Variants in MAGI2 observed in about 807,000 individuals in gnomAD.
The protein encoded by MAGI2 is membrane associated guanylate kinase, WW and PDZ domain containing 2.
In MAGI2, 35 loss-of-function variants were observed where a neutral mutation model predicts 133.3. The observed-to-expected ratio is 0.26, with a 90% CI of 0.20 to 0.35. MAGI2 has a LOEUF of 0.35. MAGI2 is among the 10% of genes least tolerant of loss of function. MAGI2 has a pLI of 1.00. For synonymous variants in MAGI2, 729 were observed against 710.6 expected (o/e 1.03, Z -0.41); for missense variants, 1,636 against 1,863.4 (o/e 0.88, Z 2.25).
chr7:78,977,192 C>A (rs1295376041), intron 2 of MAGI2, among the ~76,000 whole-genome samples: 1 of 151,660 alleles, frequency 6.6e-6, no homozygotes, highest in Non-Finnish European at 1.5e-5. Flanking sequence ...TCAAGACTTA[C>A]TACAAAGCTG....
At chr7:79,261,011 A>G (rs1419286359) in intron 1 of MAGI2, among the ~76,000 whole-genome samples, 1 of 152,214 alleles carries the variant, frequency 6.6e-6, no homozygotes, top group Non-Finnish European at 1.5e-5. Context: ...TGGAAAACAA[A>G]CAATAAACAG....
At chr7:78,204,815 G>A (rs1829582451) in intron 10 of MAGI2, among the ~76,000 whole-genome samples, 1 of 152,130 alleles carries the variant, frequency 6.6e-6, no homozygotes, top group South Asian at 2.1e-4. Flanking sequence ...TAAAACAAAA[G>A]AGAATAAATG....
chr7:78,288,460 C>T (rs1056844260), intron 9 of MAGI2, among the ~76,000 whole-genome samples: 1 of 152,126 alleles, frequency 6.6e-6, no homozygotes, highest in Admixed American at 6.6e-5. Context: ...TCCCTAGGTT[C>T]CTTGTTTTAA....
intron 1 of MAGI2, among the ~76,000 whole-genome samples, chr7:79,200,489 T>C (rs984442040): frequency 2.0e-5 from 3 of 151,152 alleles, no homozygotes; most frequent in African/African-American, 4.9e-5. Context: ...CCCACACCTG[T>C]TGTCCCACCT....
chr7:78,400,561 G>A (rs1583902443), intron 6 of MAGI2, among the ~76,000 whole-genome samples: 1 of 151,976 alleles, frequency 6.6e-6, no homozygotes, highest in East Asian at 1.9e-4. Context: ...TTTAATAAAA[G>A]AAAAAATGGT....
intron 2 of MAGI2, among the ~76,000 whole-genome samples, chr7:78,942,159 T>C (rs113380798): frequency 6.6e-6 from 1 of 152,186 alleles, no homozygotes; most frequent in Non-Finnish European, 1.5e-5. Flanking sequence ...ATCCCAACAA[T>C]AGAAGCCTCC....
At chr7:78,110,844 C>A (rs1819288448) in intron 20 of MAGI2, among the ~76,000 whole-genome samples, 1 of 152,154 alleles carries the variant, frequency 6.6e-6, no homozygotes, top group Admixed American at 6.5e-5. Flanking sequence ...CAGGAGAACA[C>A]TTCTGGGCAC....
At chr7:79,280,057 T>G (rs1274013710) in intron 1 of MAGI2, among the ~76,000 whole-genome samples, 1 of 152,206 alleles carries the variant, frequency 6.6e-6, no homozygotes, top group East Asian at 1.9e-4. Flanking sequence ...CCTAAAATAA[T>G]CAACCAATGT....
At chr7:78,531,990 G>A (rs1312683991) in intron 3 of MAGI2, among the ~76,000 whole-genome samples, 1 of 152,162 alleles carries the variant, frequency 6.6e-6, no homozygotes. Context: ...ATTTCTCCTT[G>A]AAGAATATGA....
chr7:78,685,129 C>T (rs903801738), intron 2 of MAGI2, among the ~76,000 whole-genome samples: 3 of 152,222 alleles, frequency 2.0e-5, no homozygotes, highest in Admixed American at 6.5e-5. Context: ...TCTCTTGACA[C>T]CTGTTTTTAA....
intron 2 of MAGI2, among the ~76,000 whole-genome samples, chr7:78,669,272 A>G (rs1455144865): frequency 6.6e-6 from 1 of 152,146 alleles, no homozygotes; most frequent in African/African-American, 2.4e-5. Context: ...ACAAACTACC[A>G]TCAGAGAATA....
chr7:79,173,629 G>C (rs1825823115), intron 1 of MAGI2, among the ~76,000 whole-genome samples: 1 of 151,996 alleles, frequency 6.6e-6, no homozygotes, highest in Non-Finnish European at 1.5e-5. Flanking sequence ...ACTGTGTCTA[G>C]TGCCGAGTTT....
intron 1 of MAGI2, among the ~76,000 whole-genome samples, chr7:79,416,165 A>C (rs923151855): frequency 6.6e-6 from 1 of 152,120 alleles, no homozygotes; most frequent in African/African-American, 2.4e-5. Flanking sequence ...AACTGGTTAC[A>C]TCACCAATAT....
At chr7:78,709,320 A>G (rs1818952264) in intron 2 of MAGI2, among the ~76,000 whole-genome samples, 1 of 151,620 alleles carries the variant, frequency 6.6e-6, no homozygotes, top group South Asian at 2.1e-4. Context: ...TCAGGCTTCA[A>G]CTAGATAAAC....
intron 2 of MAGI2, among the ~76,000 whole-genome samples, chr7:78,964,976 C>A (rs1231170359): frequency 6.6e-6 from 1 of 151,682 alleles, no homozygotes; most frequent in East Asian, 1.9e-4. Context: ...ATTGAACTGT[C>A]CTTTATAATT....
intron 10 of MAGI2, among the ~76,000 whole-genome samples, chr7:78,231,193 G>A (rs985737777): frequency 6.6e-6 from 1 of 152,218 alleles, no homozygotes; most frequent in South Asian, 2.1e-4. Context: ...GGAGCCAGGT[G>A]CTGCCGTAAG....
At chr7:78,503,956 C>T (rs955344947) in intron 4 of MAGI2, among the ~76,000 whole-genome samples, 1 of 111,110 alleles carries the variant, frequency 9.0e-6, no homozygotes, top group South Asian at 3.3e-4. Context: ...TCAGGTATTT[C>T]TTCATAGCAG....
At chr7:78,101,644 AATG>A (rs1313471357) in intron 20 of MAGI2, among the ~76,000 whole-genome samples, 1 of 152,214 alleles carries the variant, frequency 6.6e-6, no homozygotes, top group East Asian at 1.9e-4. Context: ...TGGTTTTGGC[AATG>A]ATATTTTGGA....
intron 1 of MAGI2, among the ~76,000 whole-genome samples, chr7:79,059,182 ACT>A (rs1217119439): frequency 2.0e-5 from 3 of 151,972 alleles, no homozygotes; most frequent in Admixed American, 1.3e-4. Flanking sequence ...CAAGTTACAC[ACT>A]CTCATAATAT....
Sources: gnomAD v4.1 joint callset for allele counts (sites outside exome capture counted in the v4.1 genomes callset) on GRCh38, gnomAD v4.1.1 for gene constraint, MANE v1.5 for transcripts, NCBI Gene and HGNC (gene_info 2026-07-23, HGNC 2026-07-21) for gene names.